PHRF1: variants seen among roughly 807,000 people sequenced by gnomAD.
PHRF1 encodes the protein PHD and ring finger domains 1.
A neutral mutation model predicts 128.9 loss-of-function variants in PHRF1; 53 were observed. That is an observed-to-expected ratio of 0.41 (90% CI 0.33 to 0.52). PHRF1 has a LOEUF of 0.52. Among genes scored for constraint, PHRF1 ranks in the 20% least tolerant of loss-of-function variants. The probability of loss-of-function intolerance (pLI) is 0.21; values close to 1 mark genes in which losing one functional copy is unlikely to be tolerated. For synonymous variants in PHRF1, 1,178 were observed against 980.6 expected, an observed-to-expected ratio of 1.20 and a Z score of -3.76; for missense variants, 2,503 against 2,284.5, an observed-to-expected ratio of 1.10 and a Z score of -1.95.
chr11:610,084 C>T (rs1228927109), intron 14 of PHRF1, 112 bp from the exon 15 acceptor site: 10 of 1,347,690 alleles, frequency 7.4e-6, no homozygotes, highest in Middle Eastern at 3.8e-4. Flanking sequence ...GATCTGAGGG[C>T]TGCTCTGTGG....
Position 591,400 on chromosome 11 carries a change from C to A in PHRF1, c.437C>A (p.Pro146Gln). 1.2e-6 allele frequency: 2 copies of A among 1,608,608 alleles called. No homozygotes were observed. Among genetic ancestry groups the A allele is most frequent in the Non-Finnish European group, 1.7e-6 (2 of 1,177,700 alleles). ...VEWSKNANSC[P>Q]VDRTLFKCIC... ...TTCTCACAGAATGCCAATTCCTGTC[C>A]AGTTGATCGAACTCTATTTAAGTGC... Residue 146 changes from proline (P) to glutamine (Q), a missense_variant, in exon 5 of 18, where the codon CCA becomes CAA. Coordinates refer to ENST00000264555, the MANE Select transcript of PHRF1 (RefSeq NM_001286581.2).
At chr11:606,120 C>T (rs1051986566) in intron 12 of PHRF1, among the ~76,000 whole-genome samples, 1 of 152,258 alleles carries the variant, frequency 6.6e-6, no homozygotes, top group African/African-American at 2.4e-5. Flanking sequence ...CCAAAACCAA[C>T]AAAACAGGTA....
rs759599906 is a variant in PHRF1 at position 609,175 on chromosome 11, T to G, written c.3719T>G (p.Leu1240Arg). ...GTGGCTACGGCCGACAAGGCCCCCC[T>G]GCAGGCTCCCCCTGTCCTGGAGGTG... Reference protein sequence around the residue: ...PEVATADKAPLQAPPVLEVAA... With the variant: ...PEVATADKAPRQAPPVLEVAA... The change falls in exon 14 of 18, where the codon CTG becomes CGG. Residue 1240 changes from leucine (L) to arginine (R), a missense_variant. Leu to Arg is a moderately radical substitution (Grantham distance 102, BLOSUM62 -2). Transcript: ENST00000264555. 1 of 1,606,662 alleles carries G rather than the reference T, an allele frequency of 6.2e-7. No homozygotes were observed. Among genetic ancestry groups the G allele is most frequent in the Admixed American group, 1.7e-5 (1 of 60,006 alleles).
intron 1 of PHRF1, 91 bp downstream of exon 1, chr11:576,683 A>ACCGCGGGGCGAGGCCTGCG (rs1280509996): frequency 7.1e-6 from 1 of 141,038 alleles, no homozygotes; most frequent in African/African-American, 2.6e-5. Context: ...TGCGGCCTGC[A>ACCGCGGGGCGAGGCCTGCG]CCGCGGGGCG....
At chr11:591,266 G>T (rs983005447) in intron 4 of PHRF1, 118 bp from the exon 5 acceptor site, 6 of 894,396 alleles carry the variant, frequency 6.7e-6, no homozygotes, top group Non-Finnish European at 1.1e-5. Context: ...CAGCAGCTTA[G>T]TGGAGGGCCT....
intron 3 of PHRF1, among the ~76,000 whole-genome samples, chr11:582,794 G>A (rs1415278423): frequency 2.6e-5 from 4 of 151,726 alleles, no homozygotes; most frequent in Non-Finnish European, 5.9e-5. Context: ...AAAGTGCTGG[G>A]ATTACAGGCG....
At chr11:590,445 GGAAGACGTACCTAACCACACCCCTGA>G (rs1383710839) in intron 4 of PHRF1, among the ~76,000 whole-genome samples, 3 of 152,182 alleles carry the variant, frequency 2.0e-5, no homozygotes, top group African/African-American at 7.2e-5. Flanking sequence ...GAAACCCCAG[GGAAGACGTACCTAACCACACCCCTGA>G]GACAACAGGA....
At chr11:596,881 G>A (rs1231703488) in intron 6 of PHRF1, 42 bp from the exon 7 acceptor site, 2 of 1,581,010 alleles carry the variant, frequency 1.3e-6, no homozygotes. Context: ...TGGGAAAGCT[G>A]TGAGCAGCAC....
At chr11:581,469 T>C (rs775541086) in intron 1 of PHRF1, 23 bp from the exon 2 acceptor site, 6 of 1,607,456 alleles carry the variant, frequency 3.7e-6, no homozygotes, top group Non-Finnish European at 5.1e-6. Context: ...GTTTGGAAGT[T>C]GCTTGGCTCT....
In PHRF1 at chr11:609,760, A is replaced by G. The variant is rs60363043; in HGVS notation, c.4264+40A>G. ...GGCCCCCACCGAGGACAGAGCCCCCAGTGAGTAAGGCCCTGGCCCCCGCCG... is the reference window on the plus strand; with the variant it reads ...GGCCCCCACCGAGGACAGAGCCCCCGGTGAGTAAGGCCCTGGCCCCCGCCG... On this transcript the variant is annotated intron_variant, in intron 14 of 17. Coordinates refer to ENST00000264555, the MANE Select transcript of PHRF1 (RefSeq NM_001286581.2). 4.5e-6 allele frequency: 5 copies of G among 1,119,768 alleles called. No individual in the cohort carries two copies. In the East Asian group the frequency reaches 1.1e-4, roughly 24 times the overall value. 69.4% of individuals were successfully genotyped at this position (1,119,768 alleles called of 1,614,324 possible).
intron 5 of PHRF1, 57 bp downstream of exon 5, chr11:591,524 G>A: frequency 7.1e-7 from 1 of 1,404,866 alleles, no homozygotes. Flanking sequence ...GGCCCTGTGG[G>A]ACAGAGCATG....
At chr11:576,813 C>CGTGGCCTGCGGGCGGA (rs1564833251) in intron 1 of PHRF1, among the ~76,000 whole-genome samples, 10 of 80,234 alleles carry the variant, frequency 1.2e-4, no homozygotes, top group Admixed American at 3.9e-4. Flanking sequence ...CTGGGAGGCC[C>CGTGGCCTGCGGGCGGA]CGCCGAGACT....
At chr11:588,530 C>G (rs988470462) in intron 4 of PHRF1, among the ~76,000 whole-genome samples, 3 of 152,038 alleles carry the variant, frequency 2.0e-5, no homozygotes, top group Admixed American at 2.0e-4. Context: ...TAGGTGCCCA[C>G]CACCACGCCA....
chr11:609,244 A>G lies in PHRF1; in HGVS notation c.3788A>G (p.Asp1263Gly). ...GACGACCTGGACCTGGATTATGGCG[A>G]CTCCGTGGAGGCCGGACACGTCTTT... ...EPDDLDLDYG[D>G]SVEAGHVFDD... The change falls in exon 14 of 18, where the codon GAC becomes GGC. Residue 1263 changes from aspartate (D) to glycine (G), a missense_variant. Transcript: ENST00000264555. 1 of 1,610,934 alleles carries G rather than the reference A, an allele frequency of 6.2e-7. No homozygotes were observed. The highest frequency in any genetic ancestry group is 1.1e-5 in the South Asian group (1 of 91,040).
chr11:582,767 G>A (rs1005735390), intron 3 of PHRF1, among the ~76,000 whole-genome samples: 18 of 151,574 alleles, frequency 1.2e-4, no homozygotes, highest in Admixed American at 9.8e-4. Flanking sequence ...CTCGTGATCC[G>A]CCCACCTCAG....
intron 1 of PHRF1, among the ~76,000 whole-genome samples, chr11:580,932 G>A (rs1589855382): frequency 1.3e-5 from 2 of 152,016 alleles, no homozygotes; most frequent in Non-Finnish European, 2.9e-5. Context: ...CAGGTGATCC[G>A]CCTGCCTCGG....
At chr11:580,697 C>G (rs1216212632) in intron 1 of PHRF1, among the ~76,000 whole-genome samples, 1 of 152,154 alleles carries the variant, frequency 6.6e-6, no homozygotes, top group Non-Finnish European at 1.5e-5. Flanking sequence ...AGGAGCATTG[C>G]AGTTTTTTGA....
intron 3 of PHRF1, among the ~76,000 whole-genome samples, chr11:585,019 T>C (rs2134195954): frequency 6.6e-6 from 1 of 152,272 alleles, no homozygotes; most frequent in African/African-American, 2.4e-5. Flanking sequence ...ATGACAGGCA[T>C]GAGCCACCGC....
chr11:585,016 G>A (rs987196506), intron 3 of PHRF1, among the ~76,000 whole-genome samples: 2 of 152,160 alleles, frequency 1.3e-5, no homozygotes, highest in African/African-American at 4.8e-5. Flanking sequence ...GGGATGACAG[G>A]CATGAGCCAC....
Sources: gnomAD v4.1 joint callset for allele counts (sites outside exome capture counted in the v4.1 genomes callset) on GRCh38, gnomAD v4.1.1 for gene constraint, MANE v1.5 for transcripts, NCBI Gene and HGNC (gene_info 2026-07-23, HGNC 2026-07-21) for gene names.